The following ZZEF1 variants were observed in gnomAD, a reference collection of about 807,000 sequenced individuals.
ZZEF1 encodes zinc finger ZZ-type and EF-hand domain containing 1.
A neutral mutation model predicts 342.8 loss-of-function variants in ZZEF1; 157 were observed. That is an observed-to-expected ratio of 0.46 (90% CI 0.40 to 0.52). The LOEUF is 0.52. Among genes scored for constraint, ZZEF1 ranks in the 20% least tolerant of loss-of-function variants. ZZEF1 has a pLI of 0.00. For missense variants in ZZEF1, 3,480 were observed against 3,725.6 expected (o/e 0.93, Z 1.72); for synonymous variants, 1,505 against 1,429.1 (o/e 1.05, Z -1.20).
rs1597744707 is a variant in ZZEF1 at position 4,008,906 on chromosome 17, G to A, written c.8782C>T (p.His2928Tyr). The A allele has an allele frequency of 5.8e-6, 9 of 1,546,086 alleles. No homozygotes were observed. In the East Asian group the frequency reaches 1.9e-4, roughly 33 times the overall value. Residue 2928 changes from histidine to tyrosine, a missense_variant, in exon 54 of 55, where the codon CAC becomes TAC. By Grantham distance (83) the His-to-Tyr change is moderately conservative. Coordinates refer to ENST00000381638, the MANE Select transcript of ZZEF1 (RefSeq NM_015113.4). This position sits in a 1 kb window ranked among gnomAD's most constrained non-coding sequence, Gnocchi z 4.2. ...ACCTGTGCCGCACAGCGGAGAAGGT[G>A]GTCGTCCGTGGTTAGGGCCAGCAGG... ...DYLLALTTDD[H>Y]LLRCAAQALQ...
intron 32 of ZZEF1, 119 bp from the exon 33 acceptor site, chr17:4,056,464 G>A (rs1289067446): frequency 2.8e-6 from 3 of 1,081,418 alleles, no homozygotes; most frequent in Admixed American, 3.8e-5. Context: ...CTTCTGAGAG[G>A]GAAAGGTCAA....
intron 38 of ZZEF1, 21 bp downstream of exon 38, chr17:4,044,203 T>A (rs528728463): frequency 1.2e-6 from 2 of 1,611,900 alleles, no homozygotes; most frequent in Non-Finnish European, 8.5e-7. Flanking sequence ...GAGATGAAGA[T>A]AATGGTCAAA....
At chr17:4,120,495 A>G (rs2058465798) in intron 2 of ZZEF1, among the ~76,000 whole-genome samples, 3 of 152,232 alleles carry the variant, frequency 2.0e-5, no homozygotes, top group Admixed American at 6.5e-5. Context: ...GGCTCACACA[A>G]TCACAAGGCA....
At chr17:4,120,714 G>A (rs1218183861) in intron 2 of ZZEF1, among the ~76,000 whole-genome samples, 1 of 152,206 alleles carries the variant, frequency 6.6e-6, no homozygotes, top group East Asian at 1.9e-4. Flanking sequence ...GCCAAGGTAG[G>A]TGGAATGCCC....
At position 4,039,293 on chromosome 17, in the gene ZZEF1, C is replaced by T. The variant is rs186763295; in HGVS notation, c.6306+3136G>A. 5.5e-3 allele frequency among the ~76,000 whole-genome samples: 736 copies of T among 133,518 alleles called. 9 individuals are homozygous for T. The highest frequency in any genetic ancestry group is 5.9e-3 in the Non-Finnish European group (400 of 67,882). The allele number at this position is 133,518 out of a possible 152,430, so 87.6% of individuals were successfully genotyped here. The stretch of plus-strand genomic sequence containing the variant: ...GACCAGCCTGTCCAACACAGTGAAA[C>T]CCCATCTCTACTAAAAAAACACAAA... On this transcript the variant is annotated intron_variant, in intron 39 of 54. Coordinates refer to ENST00000381638, the MANE Select transcript of ZZEF1 (RefSeq NM_015113.4).
chr17:4,064,968 G>A (rs1176670309), intron 28 of ZZEF1, 139 bp from the exon 29 acceptor site: 3 of 613,754 alleles, frequency 4.9e-6, no homozygotes, highest in Non-Finnish European at 8.3e-6. Flanking sequence ...CATGGCACAT[G>A]TATACATATG....
At chr17:4,082,548 TG>T in intron 16 of ZZEF1, 44 bp from the exon 17 acceptor site, 1 of 1,586,872 alleles carries the variant, frequency 6.3e-7, no homozygotes. Context: ...ATCTAGTCCA[TG>T]ACATTCCAGA....
At position 4,021,239 on chromosome 17, in the gene ZZEF1, C is replaced by T. The variant is rs764157313; in HGVS notation, c.7294G>A (p.Gly2432Arg). 9.9e-6 allele frequency: 16 copies of T among 1,614,114 alleles called. No individual in the cohort carries two copies. The highest frequency in any genetic ancestry group is 1.4e-5 in the Non-Finnish European group (16 of 1,180,048). ...CGTTCCACCTCTTCCTCTCGGTCCC[C>T]TCGCTCATCCAGCTCTAGGTCTCCG... ...EHGDLELDER[G>R]DREEEVERPV... The change falls in exon 45 of 55, where the codon GGG (glycine) becomes AGG (arginine). Residue 2432 changes from glycine to arginine, a missense_variant. Physicochemically the swap from Gly to Arg is moderately radical, Grantham distance 125. Around this residue, in one of 5 missense-constraint regions of ZZEF1, gnomAD observed 1,269 missense variants for 1,342.4 expected, o/e 0.95. Transcript: ENST00000381638.
chr17:4,132,895 G>A (rs1265013381), intron 1 of ZZEF1, among the ~76,000 whole-genome samples: 3 of 152,126 alleles, frequency 2.0e-5, no homozygotes, highest in Non-Finnish European at 4.4e-5. Flanking sequence ...GAACCTGGGA[G>A]GTGGAGCTTG....
At chr17:4,093,298 G>A (rs765495502) in intron 11 of ZZEF1, among the ~76,000 whole-genome samples, 2 of 152,164 alleles carry the variant, frequency 1.3e-5, no homozygotes, top group South Asian at 2.1e-4. Context: ...AGGCATACAC[G>A]TGTAACGGAA....
intron 43 of ZZEF1, among the ~76,000 whole-genome samples, chr17:4,023,135 T>C (rs2056313335): frequency 6.6e-6 from 1 of 152,226 alleles, no homozygotes; most frequent in Non-Finnish European, 1.5e-5. Flanking sequence ...TTCTGCTCCT[T>C]GACCACCACG....
At chr17:4,048,176 C>T (rs979715832) in intron 37 of ZZEF1, among the ~76,000 whole-genome samples, 1 of 152,090 alleles carries the variant, frequency 6.6e-6, no homozygotes, top group African/African-American at 2.4e-5. Context: ...CTCTTTGTTC[C>T]CATCATAATC....
chr17:4,075,571 A>G, intron 21 of ZZEF1, 142 bp from the exon 22 acceptor site: 1 of 825,868 alleles, frequency 1.2e-6, no homozygotes, highest in Admixed American at 2.9e-5. Flanking sequence ...TCGAAGACAA[A>G]CCTGACATTC....
chr17:4,112,815 AAC>A lies in ZZEF1; in HGVS notation c.867-9_867-8del. 6.5e-7 allele frequency: 1 copy of A among 1,549,538 alleles called. No homozygotes were observed. Among genetic ancestry groups the A allele is most frequent in the Non-Finnish European group, 8.7e-7 (1 of 1,148,178 alleles). ...ATCTGGCTTCATTTTTAAACTGGAA[AAC>A]ACAAAAAGCAGAAATTACAAATGTT... On this transcript the variant is annotated splice_polypyrimidine_tract_variant and splice_region_variant and intron_variant, in intron 4 of 54. Transcript: ENST00000381638.
chr17:4,107,308 C>CA (rs928767582), intron 6 of ZZEF1, among the ~76,000 whole-genome samples: 5 of 151,908 alleles, frequency 3.3e-5, no homozygotes, highest in East Asian at 1.9e-4. Flanking sequence ...GCCACATCTT[C>CA]AAAAAAAATA....
chr17:4,005,089 C>T lies in ZZEF1; in HGVS notation c.*1801G>A, dbSNP rs2055774923. ...GCGTGGGTGGCGCTATCTCGTCTAC[C>T]TTCCAGGTTGGCTGTGAGTCTGAGC... is the stretch of plus-strand genomic sequence containing the variant. On this transcript the variant is annotated 3_prime_UTR_variant, in exon 55 of 55. Transcript: ENST00000381638. 1 of 152,418 alleles carries T rather than the reference C, an allele frequency of 6.6e-6. No individual in the cohort carries two copies. Among genetic ancestry groups the T allele is most frequent in the South Asian group, 2.1e-4 (1 of 4,836 alleles). The allele number at this position is 152,418 out of a possible 1,614,324, so 9.4% of individuals were successfully genotyped here.
intron 1 of ZZEF1, among the ~76,000 whole-genome samples, chr17:4,130,767 T>C (rs1237270695): frequency 6.6e-6 from 1 of 152,158 alleles, no homozygotes; most frequent in Non-Finnish European, 1.5e-5. Context: ...TTCAAGATCA[T>C]TTCCCCAAAC....
chr17:4,038,921 G>A (rs1166314538), intron 39 of ZZEF1, among the ~76,000 whole-genome samples: 1 of 152,110 alleles, frequency 6.6e-6, no homozygotes, highest in African/African-American at 2.4e-5. Context: ...CTAACCTATG[G>A]TGACAGAGGT....
In ZZEF1 at chr17:4,062,265, T is replaced by A. The variant is rs985050972; in HGVS notation, c.4883+488A>T. On this transcript the variant is annotated intron_variant, in intron 30 of 54. Transcript: ENST00000381638. ...ATTAATCACCACATAACAATATCAC[T>A]ATCTGGTATTTTTTCATTTATTTGG... Among the ~76,000 whole-genome samples, 3 of 152,010 alleles carry A rather than the reference T, an allele frequency of 2.0e-5. No individual in the cohort carries two copies. The South Asian group carries it at 6.3e-4, about 32-fold the overall frequency.
Sources: gnomAD v4.1 joint callset for allele counts (sites outside exome capture counted in the v4.1 genomes callset) on GRCh38, gnomAD v4.1.1 for gene constraint, gnomAD v4.1.1 regional missense constraint, Gnocchi (gnomAD v3.1) non-coding constraint, MANE v1.5 for transcripts, NCBI Gene and HGNC (gene_info 2026-07-23, HGNC 2026-07-21) for gene names.